ADAMTSL1: variants seen among roughly 807,000 people sequenced by gnomAD.
ADAMTSL1 encodes the protein ADAMTS like 1, also known as ADAMTS-like protein 1.
In ADAMTSL1, 126 loss-of-function variants were observed where a neutral mutation model predicts 201.8. The ratio of observed to expected loss-of-function variants is 0.62; its 90% CI spans 0.54 to 0.72. ADAMTSL1 has a LOEUF of 0.72. Ranked by LOEUF, ADAMTSL1 falls within the 30% of genes least tolerant of loss-of-function variation. ADAMTSL1 has a pLI of 0.00. For missense variants in ADAMTSL1, 2,679 were observed against 2,277.8 expected, an observed-to-expected ratio of 1.18 and a Z score of -3.59; for synonymous variants, 1,121 against 903.4, an observed-to-expected ratio of 1.24 and a Z score of -4.32.
At chr9:18,002,860 A>C (rs559690123) in intron 1 of ADAMTSL1, among the ~76,000 whole-genome samples, 59 of 152,190 alleles carry the variant, frequency 3.9e-4, no homozygotes, top group African/African-American at 1.4e-3. Context: ...ATAACTAGCA[A>C]ATGGCAGAAT....
chr9:18,721,559 T>C lies in ADAMTSL1; in HGVS notation c.1900T>C (p.Cys634Arg). The C allele has an allele frequency of 6.2e-7, 1 of 1,613,982 alleles. No individual in the cohort carries two copies. The highest frequency in any genetic ancestry group is 8.5e-7 in the Non-Finnish European group (1 of 1,179,866). The change falls in exon 15 of 29, where the codon TGC (cysteine) becomes CGC (arginine). Residue 634 changes from cysteine (C) to arginine (R), a missense_variant. Cys to Arg is a radical substitution (Grantham distance 180). Transcript: ENST00000380548. ...AGGTGTCCAGGAGGCTGTGGTGAGC[T>C]GCTTGAACAAACAGACTCGGGAGCC... Reference protein sequence around the residue: ...GGGVQEAVVSCLNKQTREPAE... With the variant: ...GGGVQEAVVSRLNKQTREPAE...
intron 2 of ADAMTSL1, among the ~76,000 whole-genome samples, chr9:18,438,441 C>T (rs559552461): frequency 4.8e-4 from 73 of 152,250 alleles, no homozygotes; most frequent in Non-Finnish European, 8.4e-4. Context: ...CAGCTGAAGG[C>T]GGCCTCCCAG....
chr9:18,004,725 G>A (rs1299485173), intron 1 of ADAMTSL1, among the ~76,000 whole-genome samples: 1 of 152,004 alleles, frequency 6.6e-6, no homozygotes, highest in East Asian at 1.9e-4. Flanking sequence ...TACAGGGTAT[G>A]ACTAAAGATA....
intron 13 of ADAMTSL1, among the ~76,000 whole-genome samples, chr9:18,699,000 C>A (rs1343670090): frequency 6.6e-6 from 1 of 152,196 alleles, no homozygotes; most frequent in African/African-American, 2.4e-5. Flanking sequence ...AGTGCTCAAA[C>A]ATCAAGATCC....
intron 2 of ADAMTSL1, among the ~76,000 whole-genome samples, chr9:18,237,497 A>G (rs950389435): frequency 6.6e-6 from 1 of 152,136 alleles, no homozygotes; most frequent in Non-Finnish European, 1.5e-5. Context: ...TCTTCTTTGT[A>G]TAAATGTTGT....
At chr9:18,727,012 A>G (rs1817935454) in intron 15 of ADAMTSL1, among the ~76,000 whole-genome samples, 1 of 152,226 alleles carries the variant, frequency 6.6e-6, no homozygotes, top group Non-Finnish European at 1.5e-5. Context: ...AACACGTCTG[A>G]AAGGTCACAG....
At chr9:18,208,717 A>G (rs969382237) in intron 2 of ADAMTSL1, among the ~76,000 whole-genome samples, 3 of 152,202 alleles carry the variant, frequency 2.0e-5, no homozygotes, top group African/African-American at 7.2e-5. Context: ...ACTGTATCCC[A>G]GGCAGTGTGG....
chr9:18,886,006 G>A (rs12236684), intron 23 of ADAMTSL1, among the ~76,000 whole-genome samples: 1 of 151,416 alleles, frequency 6.6e-6, no homozygotes, highest in Non-Finnish European at 1.5e-5. Flanking sequence ...GAAATGCTAG[G>A]CCAGGTGTGG....
intron 1 of ADAMTSL1, among the ~76,000 whole-genome samples, chr9:17,952,738 G>A (rs1029236632): frequency 6.6e-6 from 1 of 152,098 alleles, no homozygotes; most frequent in Admixed American, 6.6e-5. Flanking sequence ...CGTTGGCCAG[G>A]CTGGTCTCGA....
At position 18,625,561 on chromosome 9, in the gene ADAMTSL1, T is replaced by C. The variant is rs139547873; in HGVS notation, c.601+3192T>C. On this transcript the variant is annotated intron_variant, in intron 5 of 28. Coordinates refer to ENST00000380548, the MANE Select transcript of ADAMTSL1 (RefSeq NM_001040272.6). ...GGTAGCACTCAGCCTTTTCATTTTT[T>C]CTAGTTACTTCTCAACTCCCCCAAC... Among the ~76,000 whole-genome samples the C allele has an allele frequency of 5.3e-3, 806 of 152,342 alleles. 9 individuals are homozygous for C. Among genetic ancestry groups the C allele is most frequent in the Middle Eastern group, 0.031 (9 of 294 alleles).
At chr9:18,144,235 G>C (rs1199240155) in intron 1 of ADAMTSL1, among the ~76,000 whole-genome samples, 1 of 151,492 alleles carries the variant, frequency 6.6e-6, no homozygotes, top group Non-Finnish European at 1.5e-5. Flanking sequence ...TTGAGACCGA[G>C]TGTCCCTCTT....
At chr9:17,978,853 G>C (rs72697420) in intron 1 of ADAMTSL1, among the ~76,000 whole-genome samples, 32,930 of 151,892 alleles carry the variant, frequency 0.22, 3,775 homozygotes, top group Middle Eastern at 0.27. Flanking sequence ...TTCTCATAAG[G>C]CAGGGCTAGT....
chr9:18,559,825 A>G (rs932254148), intron 3 of ADAMTSL1, among the ~76,000 whole-genome samples: 2 of 152,172 alleles, frequency 1.3e-5, no homozygotes, highest in African/African-American at 2.4e-5. Flanking sequence ...TTATTGGTAT[A>G]AAGGAATGCT....
chr9:18,692,157 T>G (rs574365016), intron 13 of ADAMTSL1, among the ~76,000 whole-genome samples: 1 of 152,306 alleles, frequency 6.6e-6, no homozygotes, highest in South Asian at 2.1e-4. Flanking sequence ...TACTTTTAAT[T>G]TAGCCCAGAG....
intron 2 of ADAMTSL1, among the ~76,000 whole-genome samples, chr9:18,513,492 C>T (rs1818164176): frequency 6.6e-6 from 1 of 152,116 alleles, no homozygotes. Context: ...AGACTGTTTA[C>T]TTTGATAGTG....
At chr9:18,320,150 C>T (rs1329125731) in intron 2 of ADAMTSL1, among the ~76,000 whole-genome samples, 2 of 152,168 alleles carry the variant, frequency 1.3e-5, no homozygotes, top group Non-Finnish European at 2.9e-5. Context: ...ACAGATTCTT[C>T]CCTAGAGCCT....
rs1379821425 is a variant in ADAMTSL1, at chr9:18,645,232, GTTGT to G, written c.834+5828_834+5831del. 3.9e-5 allele frequency among the ~76,000 whole-genome samples: 6 copies of G among 152,260 alleles called. No individual in the cohort carries two copies. In the East Asian group the frequency reaches 9.6e-4, roughly 24 times the overall value. On this transcript the variant is annotated intron_variant, in intron 7 of 28. Transcript: ENST00000380548. ...TGTCCTTCACCCACTTTTTGATGGG[GTTGT>G]TTGTTTTATTCTTGTAAATTTGTTT...
intron 23 of ADAMTSL1, among the ~76,000 whole-genome samples, chr9:18,851,223 A>G (rs752123956): frequency 3.4e-4 from 51 of 152,174 alleles, no homozygotes; most frequent in Non-Finnish European, 4.6e-4. Flanking sequence ...GGCCCCTGAC[A>G]TCAAGGGACT....
intron 23 of ADAMTSL1, among the ~76,000 whole-genome samples, chr9:18,855,748 A>G (rs1826799391): frequency 6.6e-6 from 1 of 152,152 alleles, no homozygotes; most frequent in African/African-American, 2.4e-5. Flanking sequence ...AAAAATAATG[A>G]GCTCCCTGTA....
Sources: allele counts gnomAD v4.1 joint callset (sites outside exome capture counted in the v4.1 genomes callset), GRCh38; gene constraint gnomAD v4.1.1; transcripts MANE v1.5; gene names NCBI Gene and HGNC (gene_info 2026-07-23, HGNC 2026-07-21).